The following ASTN2 variants were observed in gnomAD, a reference collection of about 807,000 sequenced individuals.
ASTN2 encodes astrotactin 2, also known as astrotactin-2.
ASTN2 carries 54 observed loss-of-function variants against 139.8 expected under a neutral mutation model. That is an observed-to-expected ratio of 0.39 (90% confidence interval 0.31 to 0.48). The LOEUF (loss-of-function observed/expected upper bound fraction) is 0.48, where lower values mean the gene tolerates loss of function less well. ASTN2 is among the 20% of genes least tolerant of loss of function. The probability of loss-of-function intolerance (pLI) is 0.95; values close to 1 mark genes in which losing one functional copy is unlikely to be tolerated. For synonymous variants in ASTN2, 756 were observed against 719.5 expected (o/e 1.05, Z -0.81); for missense variants, 1,565 against 1,725.1 (o/e 0.91, Z 1.64).
At chr9:116,656,473 A>C (rs1858217356) in intron 16 of ASTN2, among the ~76,000 whole-genome samples, 1 of 152,166 alleles carries the variant, frequency 6.6e-6, no homozygotes, top group Non-Finnish European at 1.5e-5. Context: ...AGTGTCTTTA[A>C]CAGGCCAAGG....
chr9:117,275,236 C>G (rs1345724306), intron 2 of ASTN2, among the ~76,000 whole-genome samples: 1 of 152,144 alleles, frequency 6.6e-6, no homozygotes, highest in Non-Finnish European at 1.5e-5. Context: ...CTTCAAAACT[C>G]TTTGCGGCCT....
intron 18 of ASTN2, 79 bp from the exon 19 acceptor site, chr9:116,618,551 T>G (rs1164642430): frequency 1.4e-5 from 20 of 1,474,428 alleles, no homozygotes; most frequent in Non-Finnish European, 1.6e-5. Context: ...TGTGTCAAGA[T>G]GAAGCATAGG....
At chr9:116,820,482 A>G (rs3765536) in intron 12 of ASTN2, 135 bp downstream of exon 12, 221,906 of 1,191,098 alleles carry the variant, frequency 0.19, 23,143 homozygotes, top group East Asian at 0.47. Flanking sequence ...CTCTTGGACT[A>G]AAACAGGAAA....
rs375714439 is a variant in ASTN2 at position 117,052,433 on chromosome 9, T to TCAAA, written c.1277-12469_1277-12468insTTTG. Among the ~76,000 whole-genome samples the TCAAA allele has an allele frequency of 5.6e-5, 7 of 125,210 alleles. 2 individuals are homozygous for TCAAA. Among genetic ancestry groups the TCAAA allele is most frequent in the East Asian group, 2.5e-4 (1 of 3,996 alleles). 82.1% of individuals were successfully genotyped at this position (125,210 alleles called of 152,430 possible). ...GCCTGGGCGAGAGAGAGACTCCATCTTAAAAAAAAAAAAAAAAAGAAAGAA... is the reference window on the plus strand; with the variant it reads ...GCCTGGGCGAGAGAGAGACTCCATCTCAAATAAAAAAAAAAAAAAAAAGAAAGAA... On this transcript the variant is annotated intron_variant, in intron 5 of 22. Transcript: ENST00000313400.
intron 10 of ASTN2, among the ~76,000 whole-genome samples, chr9:116,920,263 C>T (rs1834565909): frequency 1.3e-5 from 2 of 152,186 alleles, no homozygotes; most frequent in African/African-American, 4.8e-5. Flanking sequence ...AGCTTCCAGG[C>T]TCAGATGAGT....
intron 2 of ASTN2, among the ~76,000 whole-genome samples, chr9:117,239,535 T>C (rs1471703925): frequency 6.6e-6 from 1 of 152,144 alleles, no homozygotes; most frequent in Non-Finnish European, 1.5e-5. Flanking sequence ...TTAAGAATAA[T>C]AATAAAGAGC....
At chr9:116,993,956 G>A (rs1836938524) in intron 7 of ASTN2, among the ~76,000 whole-genome samples, 1 of 150,722 alleles carries the variant, frequency 6.6e-6, no homozygotes. Flanking sequence ...TGGTGGCAGG[G>A]ATTTTTTTGT....
chr9:116,608,568 TTTTGAACAAAAGAG>T (rs1564150177), intron 19 of ASTN2, among the ~76,000 whole-genome samples: 1 of 152,084 alleles, frequency 6.6e-6, no homozygotes, highest in Admixed American at 6.5e-5. Flanking sequence ...TTTTGAACTC[TTTTGAACAAAAGAG>T]TTTGAACAAA....
intron 10 of ASTN2, among the ~76,000 whole-genome samples, chr9:116,908,099 G>A (rs1033756375): frequency 3.3e-5 from 5 of 152,112 alleles, no homozygotes; most frequent in Non-Finnish European, 5.9e-5. Context: ...GCGTGTGGGC[G>A]AAAAGAAATG....
chr9:117,364,605 T>C (rs549387558), intron 1 of ASTN2, among the ~76,000 whole-genome samples: 1 of 152,222 alleles, frequency 6.6e-6, no homozygotes, highest in South Asian at 2.1e-4. Context: ...AAAATGAAGT[T>C]GTGGCATAGG....
At chr9:116,615,012 TAAAC>T (rs1425673602) in intron 19 of ASTN2, among the ~76,000 whole-genome samples, 1 of 152,016 alleles carries the variant, frequency 6.6e-6, no homozygotes, top group East Asian at 1.9e-4. Flanking sequence ...ACAAAGAACT[TAAAC>T]AAATTTAGAA....
intron 2 of ASTN2, among the ~76,000 whole-genome samples, chr9:117,245,556 G>A (rs1466933227): frequency 6.6e-6 from 1 of 152,146 alleles, no homozygotes; most frequent in Admixed American, 6.5e-5. Context: ...CTGAAAGGTG[G>A]AGACCCACAT....
chr9:116,964,075 C>G (rs1264997483), intron 10 of ASTN2, among the ~76,000 whole-genome samples: 1 of 152,148 alleles, frequency 6.6e-6, no homozygotes, highest in African/African-American at 2.4e-5. Flanking sequence ...CAAGCTTGAG[C>G]ATGCCACCTG....
intron 3 of ASTN2, among the ~76,000 whole-genome samples, chr9:117,186,510 G>A (rs1831203454): frequency 6.6e-6 from 1 of 151,916 alleles, no homozygotes; most frequent in African/African-American, 2.4e-5. Context: ...TCACGCCACT[G>A]CACTCCAGCC....
chr9:116,871,673 C>A (rs1008425503), intron 10 of ASTN2, among the ~76,000 whole-genome samples: 1 of 152,184 alleles, frequency 6.6e-6, no homozygotes, highest in Non-Finnish European at 1.5e-5. Context: ...AAATGATATT[C>A]CATTATATAG....
At chr9:117,364,251 C>G (rs1464655472) in intron 1 of ASTN2, among the ~76,000 whole-genome samples, 1 of 152,140 alleles carries the variant, frequency 6.6e-6, no homozygotes, top group African/African-American at 2.4e-5. Flanking sequence ...GTGACTTGTT[C>G]AAGGTCTTAG....
chr9:116,703,180 G>A (rs954107219), intron 16 of ASTN2, among the ~76,000 whole-genome samples: 1 of 151,568 alleles, frequency 6.6e-6, no homozygotes, highest in East Asian at 1.9e-4. Flanking sequence ...TCTAACTGGT[G>A]TGAGATGGTA....
chr9:116,628,527 A>C (rs1040197768), intron 17 of ASTN2, among the ~76,000 whole-genome samples: 19 of 152,190 alleles, frequency 1.2e-4, no homozygotes, highest in African/African-American at 4.3e-4. Context: ...CCAGCAGGCT[A>C]ACCTATGGAG....
intron 7 of ASTN2, among the ~76,000 whole-genome samples, chr9:116,995,740 CTG>C (rs1187980033): frequency 2.6e-5 from 4 of 152,198 alleles, no homozygotes; most frequent in African/African-American, 9.6e-5. Context: ...AATCCATTAA[CTG>C]TGATTTAGTT....
Sources: allele counts gnomAD v4.1 joint callset (sites outside exome capture counted in the v4.1 genomes callset), GRCh38; gene constraint gnomAD v4.1.1; transcripts MANE v1.5; gene names NCBI Gene and HGNC (gene_info 2026-07-23, HGNC 2026-07-21).